CPT1A: variants seen among roughly 807,000 people sequenced by gnomAD.
CPT1A encodes the protein carnitine O-palmitoyltransferase 1, liver isoform.
In CPT1A, 64 loss-of-function variants were observed where a neutral mutation model predicts 100.8. That is an observed-to-expected ratio of 0.63 (90% CI 0.52 to 0.78). CPT1A has a LOEUF of 0.78. CPT1A is among the 30% of genes least tolerant of loss of function. The probability of loss-of-function intolerance (pLI) is 0.00; values close to 1 mark genes in which losing one functional copy is unlikely to be tolerated. For missense variants in CPT1A, 802 were observed against 1,034.1 expected (o/e 0.78, Z 3.08); for synonymous variants, 363 against 396.0 (o/e 0.92, Z 0.99).
At chr11:68,826,969 G>A (rs956597619) in intron 1 of CPT1A, among the ~76,000 whole-genome samples, 1 of 152,098 alleles carries the variant, frequency 6.6e-6, no homozygotes, top group African/African-American at 2.4e-5. Context: ...GGCCAAGGGC[G>A]CAAAGCTCTT....
chr11:68,780,173 TTAATC>T (rs1855266014), intron 12 of CPT1A, among the ~76,000 whole-genome samples: 2 of 152,220 alleles, frequency 1.3e-5, no homozygotes, highest in Admixed American at 1.3e-4. Flanking sequence ...AGGGATGCCT[TTAATC>T]TAGTGATTTA....
chr11:68,777,575 G>A (rs981279665), intron 12 of CPT1A, among the ~76,000 whole-genome samples: 2 of 152,212 alleles, frequency 1.3e-5, no homozygotes, highest in Non-Finnish European at 2.9e-5. Flanking sequence ...CCCCAGCCAG[G>A]GGTCCCTGGA....
chr11:68,769,403 ATTTTTTTTTT>A (rs528320899), intron 14 of CPT1A, among the ~76,000 whole-genome samples: 3 of 133,318 alleles, frequency 2.3e-5, no homozygotes, highest in Non-Finnish European at 4.8e-5. Context: ...TGCTGGGCTA[ATTTTTTTTTT>A]TTTTTTTTTG....
At chr11:68,804,698 C>G (rs963134412) in intron 4 of CPT1A, among the ~76,000 whole-genome samples, 2 of 152,222 alleles carry the variant, frequency 1.3e-5, no homozygotes, top group African/African-American at 2.4e-5. Context: ...GGACCCTGAC[C>G]GTGCTTCTGC....
chr11:68,769,939 C>T (rs1339979128), intron 14 of CPT1A, among the ~76,000 whole-genome samples: 1 of 151,990 alleles, frequency 6.6e-6, no homozygotes, highest in Admixed American at 6.6e-5. Flanking sequence ...GTTTCAGCTA[C>T]TCGAGGGGCT....
chr11:68,771,075 C>T (rs1228380531), intron 14 of CPT1A, among the ~76,000 whole-genome samples: 1 of 152,164 alleles, frequency 6.6e-6, no homozygotes, highest in African/African-American at 2.4e-5. Flanking sequence ...ACCTGGGCCA[C>T]GTGGGTTCTG....
chr11:68,768,954 G>A (rs186360394), intron 14 of CPT1A, among the ~76,000 whole-genome samples: 1 of 152,172 alleles, frequency 6.6e-6, no homozygotes, highest in East Asian at 1.9e-4. Context: ...CAACCCCGTA[G>A]GCAAAAATCT....
intron 1 of CPT1A, among the ~76,000 whole-genome samples, chr11:68,827,410 A>G (rs1594374381): frequency 6.6e-6 from 1 of 152,190 alleles, no homozygotes; most frequent in East Asian, 1.9e-4. Flanking sequence ...AAATGCTTTA[A>G]ATCATAAGAT....
At chr11:68,797,014 G>A (rs1465871232) in intron 6 of CPT1A, 81 bp from the exon 7 acceptor site, 8 of 1,372,980 alleles carry the variant, frequency 5.8e-6, no homozygotes, top group South Asian at 1.2e-5. Context: ...AGAGCCGCGG[G>A]GAAGGGCAGG....
intron 1 of CPT1A, among the ~76,000 whole-genome samples, chr11:68,829,228 T>C (rs1856820539): frequency 6.6e-6 from 1 of 152,128 alleles, no homozygotes; most frequent in Non-Finnish European, 1.5e-5. Context: ...ACACGTCTGC[T>C]CTACAGCCCA....
At chr11:68,839,650 C>A in intron 1 of CPT1A, 1 of 985,508 alleles carries the variant, frequency 1.0e-6, no homozygotes, top group Non-Finnish European at 1.2e-6. Flanking sequence ...GAGCCAGAAA[C>A]GCAGGCACCG....
chr11:68,841,538 T>C lies in CPT1A; in HGVS notation c.-14+237A>G, dbSNP rs1857158772. On this transcript the variant is annotated intron_variant, in intron 1 of 18. Coordinates refer to ENST00000265641, the MANE Select transcript of CPT1A (RefSeq NM_001876.4). This position sits in a 1 kb window ranked among gnomAD's most constrained non-coding sequence, Gnocchi z 6.3. The stretch of plus-strand genomic sequence containing the variant: ...CGCCTGCGGATGGACCGACCCCCGG[T>C]GGACCCTCAGACCCAATCCCCTGGG... 6.6e-6 allele frequency among the ~76,000 whole-genome samples: 1 copy of C among 152,018 alleles called. No individual in the cohort carries two copies. The highest frequency in any genetic ancestry group is 1.5e-5 in the Non-Finnish European group (1 of 67,956).
intron 9 of CPT1A, chr11:68,786,049 C>T (rs1855455180): frequency 1.4e-6 from 1 of 702,206 alleles, no homozygotes; most frequent in East Asian, 2.7e-5. Flanking sequence ...GTGAGGAAGA[C>T]AAATAAATGC....
At chr11:68,791,283 C>T (rs1345819488) in intron 9 of CPT1A, among the ~76,000 whole-genome samples, 1 of 152,198 alleles carries the variant, frequency 6.6e-6, no homozygotes, top group African/African-American at 2.4e-5. Context: ...GACCCACTTC[C>T]CTTTGGGGAC....
At chr11:68,776,173 A>G (rs1855134012) in intron 12 of CPT1A, among the ~76,000 whole-genome samples, 1 of 151,890 alleles carries the variant, frequency 6.6e-6, no homozygotes, top group Non-Finnish European at 1.5e-5. Flanking sequence ...CCAAGGTGGG[A>G]GGATTGCTGG....
At chr11:68,813,696 C>CAAAA (rs11400593) in intron 2 of CPT1A, among the ~76,000 whole-genome samples, 1 of 136,804 alleles carries the variant, frequency 7.3e-6, no homozygotes. Flanking sequence ...GACCCTGTCT[C>CAAAA]AAAAAAAAAA....
intron 1 of CPT1A, among the ~76,000 whole-genome samples, chr11:68,825,818 C>T (rs531638160): frequency 8.5e-5 from 13 of 152,318 alleles, no homozygotes; most frequent in African/African-American, 3.1e-4. Flanking sequence ...GCCTTTCACC[C>T]AGCTGGGAGT....
At chr11:68,758,721 C>T (rs1449212875) in intron 18 of CPT1A, among the ~76,000 whole-genome samples, 1 of 150,952 alleles carries the variant, frequency 6.6e-6, no homozygotes, top group African/African-American at 2.4e-5. Flanking sequence ...CGGGTTCAAG[C>T]GATTCTCCTA....
At chr11:68,823,898 C>T (rs1028312875) in intron 1 of CPT1A, among the ~76,000 whole-genome samples, 3 of 152,034 alleles carry the variant, frequency 2.0e-5, no homozygotes, top group Non-Finnish European at 2.9e-5. Flanking sequence ...AACCAAATAC[C>T]GCATGTTCTC....
Sources: allele counts gnomAD v4.1 joint callset (sites outside exome capture counted in the v4.1 genomes callset), GRCh38; gene constraint gnomAD v4.1.1; non-coding constraint Gnocchi (gnomAD v3.1); transcripts MANE v1.5; gene names NCBI Gene and HGNC (gene_info 2026-07-23, HGNC 2026-07-21).